Variants in CERS6 observed in about 807,000 individuals in gnomAD.
CERS6 encodes ceramide synthase 6.
Under a neutral mutation model 56.8 loss-of-function variants are expected in CERS6, and 26 were observed. The observed-to-expected ratio is 0.46, with a 90% CI of 0.34 to 0.63. The LOEUF is 0.63. Ranked by LOEUF, CERS6 falls within the 30% of genes least tolerant of loss-of-function variation. The pLI is 0.01. For synonymous variants in CERS6, 164 were observed against 173.3 expected, an observed-to-expected ratio of 0.95 and a Z score of 0.42; for missense variants, 415 against 467.5, an observed-to-expected ratio of 0.89 and a Z score of 1.04.
intron 5 of CERS6, among the ~76,000 whole-genome samples, chr2:168,692,701 C>T (rs968618536): frequency 5.3e-5 from 8 of 152,052 alleles, no homozygotes; most frequent in East Asian, 1.9e-4. Context: ...CTCATGGGAA[C>T]GGTGCATCTT....
At chr2:168,738,334 T>C (rs78397044) in intron 8 of CERS6, among the ~76,000 whole-genome samples, 2,294 of 152,330 alleles carry the variant, frequency 0.015, 57 homozygotes, top group African/African-American at 0.052. Flanking sequence ...GTGAAGATTT[T>C]AAATGACAGA....
At chr2:168,474,471 G>A (rs1202585707) in intron 1 of CERS6, among the ~76,000 whole-genome samples, 1 of 152,156 alleles carries the variant, frequency 6.6e-6, no homozygotes, top group Non-Finnish European at 1.5e-5. Flanking sequence ...ATGAGGAAAT[G>A]CATTCCTCGT....
intron 1 of CERS6, among the ~76,000 whole-genome samples, chr2:168,523,317 A>G (rs1329878705): frequency 1.3e-5 from 2 of 152,192 alleles, no homozygotes; most frequent in African/African-American, 4.8e-5. Context: ...ATCAGGGAAG[A>G]AGATTTTTTT....
Position 168,524,576 on chromosome 2 carries a change from A to G in CERS6, c.171-23020A>G, listed in dbSNP as rs541319900. ...TGTGGAAAGAAAATCCGTGTAACGAAATGATAAACAATAATATTATTGTTG... is the reference window on the plus strand; with the variant it reads ...TGTGGAAAGAAAATCCGTGTAACGAGATGATAAACAATAATATTATTGTTG... On this transcript the variant is annotated intron_variant, in intron 1 of 9. Coordinates refer to ENST00000305747, the MANE Select transcript of CERS6 (RefSeq NM_203463.3). Among the ~76,000 whole-genome samples, 6 of 152,262 alleles carry G rather than the reference A, an allele frequency of 3.9e-5. No homozygotes were observed. The East Asian group carries it at 1.2e-3, about 29-fold the overall frequency.
At chr2:168,631,657 A>G (rs1684738738) in intron 4 of CERS6, among the ~76,000 whole-genome samples, 1 of 36,978 alleles carries the variant, frequency 2.7e-5, no homozygotes, top group Admixed American at 4.8e-4. Context: ...TTTATATTAT[A>G]TATAACATTT....
At chr2:168,629,476 C>G (rs1312564213) in intron 3 of CERS6, among the ~76,000 whole-genome samples, 1 of 152,086 alleles carries the variant, frequency 6.6e-6, no homozygotes, top group Non-Finnish European at 1.5e-5. Context: ...ACCCAGTCTC[C>G]CATTATAGAG....
chr2:168,548,822 A>G (rs17202869), intron 2 of CERS6, among the ~76,000 whole-genome samples: 12,650 of 152,254 alleles, frequency 0.083, 680 homozygotes, highest in Middle Eastern at 0.19. Context: ...AAAAATTAAG[A>G]AAGTACCAGG....
chr2:168,664,903 G>A (rs971593744), intron 4 of CERS6, among the ~76,000 whole-genome samples: 4 of 152,122 alleles, frequency 2.6e-5, no homozygotes, highest in African/African-American at 7.2e-5. Flanking sequence ...TATTTAAGAT[G>A]GAGTTACTCT....
chr2:168,484,031 C>T (rs1224123654), intron 1 of CERS6, among the ~76,000 whole-genome samples: 2 of 151,962 alleles, frequency 1.3e-5, no homozygotes, highest in African/African-American at 4.8e-5. Flanking sequence ...AAATATTGTA[C>T]CAGTATGTTC....
intron 4 of CERS6, among the ~76,000 whole-genome samples, chr2:168,661,573 G>T (rs1685629563): frequency 6.6e-6 from 1 of 152,206 alleles, no homozygotes; most frequent in Non-Finnish European, 1.5e-5. Context: ...TAGTAGTTCA[G>T]AGGGGTATTG....
At chr2:168,554,812 G>C (rs1252995285) in intron 2 of CERS6, among the ~76,000 whole-genome samples, 2 of 152,164 alleles carry the variant, frequency 1.3e-5, no homozygotes, top group Admixed American at 6.5e-5. Flanking sequence ...AAATAACAAA[G>C]TAGGATTTCT....
In CERS6 at chr2:168,765,600, A is replaced by G. The variant is rs1224885093; in HGVS notation, c.854A>G (p.Asn285Ser). ...RLGIFPLWVL[N>S]TTLFESWEIV... ...CTCCTTCTTTTCCTTAGGGTGTTAAATACCACATTATTTGAAAGCTGGGAG... is the reference window on the plus strand; with the variant it reads ...CTCCTTCTTTTCCTTAGGGTGTTAAGTACCACATTATTTGAAAGCTGGGAG... Residue 285 changes from asparagine to serine, a missense_variant, in exon 9 of 10, where the codon AAT becomes AGT. Physicochemically the swap from Asn to Ser is conservative, Grantham distance 46 (BLOSUM62 1). Transcript: ENST00000305747. 6.2e-7 allele frequency: 1 copy of G among 1,613,340 alleles called. No individual in the cohort carries two copies. The highest frequency in any genetic ancestry group is 1.7e-5 in the Admixed American group (1 of 59,884).
At chr2:168,479,972 T>C (rs1330091245) in intron 1 of CERS6, among the ~76,000 whole-genome samples, 2 of 152,212 alleles carry the variant, frequency 1.3e-5, no homozygotes, top group Non-Finnish European at 2.9e-5. Context: ...TTTGAATTCT[T>C]CCACCACCAT....
chr2:168,732,143 T>C (rs895474381), intron 8 of CERS6, among the ~76,000 whole-genome samples: 2 of 152,180 alleles, frequency 1.3e-5, no homozygotes, highest in Non-Finnish European at 2.9e-5. Context: ...TTATTTCAAA[T>C]TGTGTCTCCC....
At chr2:168,500,576 G>T (rs551668778) in intron 1 of CERS6, among the ~76,000 whole-genome samples, 79 of 152,278 alleles carry the variant, frequency 5.2e-4, no homozygotes, top group Non-Finnish European at 9.7e-4. Context: ...TTCATATATT[G>T]GGTTAGGGGG....
intron 3 of CERS6, among the ~76,000 whole-genome samples, chr2:168,625,063 A>G (rs1001854095): frequency 6.6e-6 from 1 of 152,188 alleles, no homozygotes; most frequent in African/African-American, 2.4e-5. Flanking sequence ...AAAAATTTTA[A>G]TGTCATAGGT....
intron 3 of CERS6, among the ~76,000 whole-genome samples, chr2:168,587,283 A>C (rs192609533): frequency 2.0e-5 from 3 of 152,346 alleles, no homozygotes; most frequent in Admixed American, 2.0e-4. Flanking sequence ...TGCATATTAC[A>C]CTTTGAGATT....
At chr2:168,636,169 C>G (rs992067323) in intron 4 of CERS6, among the ~76,000 whole-genome samples, 1 of 151,984 alleles carries the variant, frequency 6.6e-6, no homozygotes, top group Non-Finnish European at 1.5e-5. Context: ...GGAAGGGACC[C>G]TAAAGATCAC....
At chr2:168,544,978 G>A (rs1695437505) in intron 1 of CERS6, among the ~76,000 whole-genome samples, 1 of 151,754 alleles carries the variant, frequency 6.6e-6, no homozygotes, top group African/African-American at 2.4e-5. Context: ...TGAGCCGCTG[G>A]GCCCAGGAAA....
Sources: allele counts gnomAD v4.1 joint callset (sites outside exome capture counted in the v4.1 genomes callset), GRCh38; gene constraint gnomAD v4.1.1; transcripts MANE v1.5; gene names NCBI Gene and HGNC (gene_info 2026-07-23, HGNC 2026-07-21).